Variants in CCDC14 observed in about 807,000 individuals in gnomAD.
CCDC14 encodes coiled-coil domain-containing protein 14.
A neutral mutation model predicts 81.4 loss-of-function variants in CCDC14; 71 were observed. The observed-to-expected ratio is 0.87, with a 90% CI of 0.72 to 1.06. The LOEUF is 1.06. Among genes scored for constraint, CCDC14 ranks in the 50% least tolerant of loss-of-function variants. The pLI, the probability that CCDC14 is intolerant of heterozygous loss-of-function variation, is 0.00. For missense variants in CCDC14, 1,046 were observed against 1,047.3 expected (o/e 1.00, Z 0.02); for synonymous variants, 332 against 364.8 (o/e 0.91, Z 1.03).
chr3:123,914,973 T>C lies in CCDC14; in HGVS notation c.2524A>G (p.Ser842Gly), dbSNP rs376106796. Residue 842 changes from serine (S) to glycine (G), a missense_variant, in exon 13 of 13, where the codon AGC becomes GGC. By Grantham distance (56) the Ser-to-Gly change is moderately conservative. Coordinates refer to ENST00000409697, the MANE Select transcript of CCDC14 (RefSeq NM_001366335.1). ...CHGPSGCLSN[S>G]LQVKGNTVCD... ...ACAGTATTGCCTTTCACTTGAAGGC[T>C]GTTGCTAAGACAACCTGATGGGCCA... 15 of 1,614,044 alleles carry C rather than the reference T, an allele frequency of 9.3e-6. No individual in the cohort carries two copies. In the African/African-American group the frequency reaches 1.2e-4, roughly 13 times the overall value.
At chr3:123,890,276 C>A in the CCDC14 span, among the ~76,000 whole-genome samples, 3 of 152,214 alleles carry the variant, frequency 2.0e-5, no homozygotes, top group South Asian at 6.2e-4. Flanking sequence ...GCCCCGGCAT[C>A]TCCCAAATTT....
Position 123,948,990 on chromosome 3 carries a change from G to T in CCDC14, c.495C>A (p.His165Gln), listed in dbSNP as rs760499792. The part of the protein sequence containing the change: ...SPIIYQALCE[H>Q]VQTQMSLMND... The stretch of plus-strand genomic sequence containing the variant: ...TCATCAGTGACATCTGAGTCTGCAC[G>T]TGCTCACAGAGGGCTTGGTATATTA... The change falls in exon 6 of 13, where the codon CAC becomes CAA. Residue 165 changes from histidine to glutamine, a missense_variant. Transcript: ENST00000409697. 23 of 1,613,818 alleles carry T rather than the reference G, an allele frequency of 1.4e-5. No individual in the cohort carries two copies. The African/African-American group carries it at 2.1e-4, about 15-fold the overall frequency.
intron 12 of CCDC14, among the ~76,000 whole-genome samples, chr3:123,916,886 C>T (rs954922674): frequency 1.3e-5 from 2 of 151,990 alleles, no homozygotes. Flanking sequence ...ATCACCCAGG[C>T]TGGAGTGCAG....
At chr3:123,942,276 A>G (rs2036387718) in intron 9 of CCDC14, among the ~76,000 whole-genome samples, 1 of 152,126 alleles carries the variant, frequency 6.6e-6, no homozygotes, top group South Asian at 2.1e-4. Flanking sequence ...TTGTGAAGAT[A>G]TAAAGAGGTG....
At chr3:123,896,751 T>C (rs965883735), downstream of CCDC14, among the ~76,000 whole-genome samples, 4 of 152,208 alleles carry the variant, frequency 2.6e-5, no homozygotes, top group Non-Finnish European at 5.9e-5. Flanking sequence ...GATTTGTAGA[T>C]TTGTTCCCAT....
intron 9 of CCDC14, among the ~76,000 whole-genome samples, chr3:123,934,270 C>CAAAAAAAAAAAAAAAAAAAAAAAAA (rs61094944): frequency 3.8e-5 from 2 of 52,290 alleles, no homozygotes; most frequent in African/African-American, 1.7e-4. Context: ...GACTCTGCCT[C>CAAAAAAAAAAAAAAAAAAAAAAAAA]AAAAAAAAAA....
At chr3:123,935,073 A>G (rs2035982440) in intron 9 of CCDC14, among the ~76,000 whole-genome samples, 1 of 152,170 alleles carries the variant, frequency 6.6e-6, no homozygotes, top group African/African-American at 2.4e-5. Flanking sequence ...TAACATTTAA[A>G]GAACTCCTAC....
downstream of CCDC14, among the ~76,000 whole-genome samples, chr3:123,912,934 C>A (rs1347628913): frequency 6.6e-6 from 1 of 152,114 alleles, no homozygotes; most frequent in Non-Finnish European, 1.5e-5. Context: ...ATACCAAATT[C>A]AACCAATCTC....
intron 12 of CCDC14, among the ~76,000 whole-genome samples, chr3:123,922,844 G>A (rs1335191002): frequency 2.0e-5 from 3 of 152,064 alleles, no homozygotes; most frequent in South Asian, 2.1e-4. Context: ...AACATTCAAA[G>A]TGCAGGGAAT....
intron 12 of CCDC14, 93 bp downstream of exon 12, chr3:123,931,009 T>C: frequency 1.9e-6 from 2 of 1,046,066 alleles, no homozygotes; most frequent in Non-Finnish European, 2.7e-6. Context: ...GAAAAAGATA[T>C]GGGGGAGAAA....
chr3:123,958,752 T>A (rs777726440), intron 1 of CCDC14: 31 of 152,128 alleles, frequency 2.0e-4, no homozygotes, highest in Admixed American at 3.3e-4. Flanking sequence ...TATTCACATG[T>A]TGCCAATTAT....
At chr3:123,955,780 T>C (rs2700409) in intron 5 of CCDC14, 63 bp downstream of exon 5, 55,185 of 1,356,768 alleles carry the variant, frequency 0.041, 6,857 homozygotes, top group East Asian at 0.35. Context: ...ATAATCCTGA[T>C]AATTGATCAA....
chr3:123,925,247 G>T (rs1399292095), intron 12 of CCDC14, among the ~76,000 whole-genome samples: 1 of 152,024 alleles, frequency 6.6e-6, no homozygotes, highest in African/African-American at 2.4e-5. Flanking sequence ...AATACTGCAT[G>T]ACCTCACTTA....
intron 5 of CCDC14, among the ~76,000 whole-genome samples, chr3:123,904,470 T>C (rs2034255231): frequency 6.6e-6 from 1 of 152,154 alleles, no homozygotes; most frequent in Non-Finnish European, 1.5e-5. Context: ...TGATCCTATA[T>C]ATATAGAATT....
chr3:123,923,848 T>C (rs1031985784), intron 12 of CCDC14, among the ~76,000 whole-genome samples: 2 of 151,380 alleles, frequency 1.3e-5, no homozygotes, highest in Admixed American at 6.6e-5. Flanking sequence ...AGAAATAATA[T>C]TGTTGGAATA....
rs1485662107 is a variant in CCDC14 at position 123,948,674 on chromosome 3, A to G, written c.684+17T>C. ...ATAAGCAAATAGTTACTTATGTAGT[A>G]TAAGAACTGTACGCACAGAATGAAC... is the stretch of plus-strand genomic sequence containing the variant. On this transcript the variant is annotated intron_variant, in intron 7 of 12. Transcript: ENST00000409697. 1.3e-6 allele frequency: 2 copies of G among 1,566,770 alleles called. No individual in the cohort carries two copies. The highest frequency in any genetic ancestry group is 1.9e-5 in the Admixed American group (1 of 51,598).
chr3:123,894,085 A>T (rs772523741), downstream of CCDC14, among the ~76,000 whole-genome samples: 2 of 152,156 alleles, frequency 1.3e-5, no homozygotes, highest in Non-Finnish European at 2.9e-5. Context: ...TTCTTCTAAG[A>T]GTTTTACAGT....
chr3:123,950,629 G>A (rs1381413742), intron 5 of CCDC14, among the ~76,000 whole-genome samples: 1 of 152,116 alleles, frequency 6.6e-6, no homozygotes, highest in Non-Finnish European at 1.5e-5. Context: ...ACAGGGATGA[G>A]GGTCTAGGTG....
chr3:123,897,718 C>A, intron 5 of CCDC14: 1 of 429,770 alleles, frequency 2.3e-6, no homozygotes, highest in South Asian at 6.9e-5. Flanking sequence ...CTTTTATAAA[C>A]CTATAGGTTC....
Sources: gnomAD v4.1 joint callset for allele counts (sites outside exome capture counted in the v4.1 genomes callset) on GRCh38, gnomAD v4.1.1 for gene constraint, MANE v1.5 for transcripts, NCBI Gene and HGNC (gene_info 2026-07-23, HGNC 2026-07-21) for gene names.